GBA1: variants seen among roughly 807,000 people sequenced by gnomAD.
GBA1 encodes the protein lysosomal acid glucosylceramidase.
At chr1:155,240,189 C>A in the GBA1 span, 7 of 955,024 alleles carry the variant, frequency 7.3e-6, no homozygotes, top group South Asian at 8.8e-5. Flanking sequence ...CTTGGCCGGG[C>A]GCAGGGGCTC....
chr1:155,239,864 G>C, the GBA1 span: 5 of 1,614,066 alleles, frequency 3.1e-6, no homozygotes, highest in Non-Finnish European at 4.2e-6. Flanking sequence ...CTGGCCCAGG[G>C]GGTGAGGGGT....
At chr1:155,240,291 C>T in the GBA1 span, 41 of 607,802 alleles carry the variant, frequency 6.7e-5, no homozygotes, top group Middle Eastern at 1.7e-3. Flanking sequence ...TGGTGAAACC[C>T]CGTCTCTACT....
At chr1:155,238,970 G>A in the GBA1 span, 1 of 379,528 alleles carries the variant, frequency 2.6e-6, no homozygotes, top group Non-Finnish European at 5.1e-6. Flanking sequence ...TGTAATCCCA[G>A]CACTTTGGGA....
the GBA1 span, chr1:155,239,972 C>G: frequency 2.5e-6 from 4 of 1,614,050 alleles, no homozygotes; most frequent in African/African-American, 2.7e-5. Flanking sequence ...GCTGAAGGTA[C>G]CAAGGGCAGG....
the GBA1 span, chr1:155,235,884 C>T: frequency 6.2e-7 from 1 of 1,613,836 alleles, no homozygotes; most frequent in Non-Finnish European, 8.5e-7. Context: ...AGGCGCAACA[C>T]TGGGGGTCCC....
chr1:155,242,960 C>T, the GBA1 span, among the ~76,000 whole-genome samples: 3 of 152,184 alleles, frequency 2.0e-5, no homozygotes, highest in Non-Finnish European at 2.9e-5. Flanking sequence ...CATTTACTGG[C>T]TGTTTGACTT....
chr1:155,242,366 G>GTAA, the GBA1 span, among the ~76,000 whole-genome samples: 1 of 152,026 alleles, frequency 6.6e-6, no homozygotes, highest in Admixed American at 6.6e-5. Context: ...GGGATTACAG[G>GTAA]TGCCCTCCAA....
the GBA1 span, among the ~76,000 whole-genome samples, chr1:155,243,937 G>A: frequency 6.6e-6 from 1 of 151,952 alleles, no homozygotes; most frequent in African/African-American, 2.4e-5. Flanking sequence ...TCCCAACCCC[G>A]ACGCTCGTCG....
the GBA1 span, among the ~76,000 whole-genome samples, chr1:155,243,196 AGTT>A: frequency 5.3e-5 from 8 of 152,190 alleles, no homozygotes; most frequent in Non-Finnish European, 2.9e-5. Flanking sequence ...GTAGCTGTCA[AGTT>A]GTAGAATTGA....
At chr1:155,236,201 G>A in the GBA1 span, 1 of 1,510,062 alleles carries the variant, frequency 6.6e-7, no homozygotes, top group South Asian at 1.1e-5. Flanking sequence ...ACTAGTAAGA[G>A]GTCTGAGGTC....
At chr1:155,237,888 A>G in the GBA1 span, 2 of 637,278 alleles carry the variant, frequency 3.1e-6, no homozygotes, top group East Asian at 5.5e-5. Context: ...GGTGACAGAG[A>G]GAGAGACTCC....
the GBA1 span, among the ~76,000 whole-genome samples, chr1:155,236,786 T>C: frequency 1.3e-5 from 2 of 151,966 alleles, no homozygotes; most frequent in East Asian, 3.9e-4. Flanking sequence ...TGTGTGTGTG[T>C]GTATATATAT....
the GBA1 span, among the ~76,000 whole-genome samples, chr1:155,242,366 G>T: frequency 6.6e-6 from 1 of 152,026 alleles, no homozygotes; most frequent in Non-Finnish European, 1.5e-5. Context: ...GGGATTACAG[G>T]TGCCCTCCAA....
the GBA1 span, chr1:155,239,558 G>C: frequency 1.9e-6 from 3 of 1,600,986 alleles, no homozygotes; most frequent in Non-Finnish European, 2.6e-6. Flanking sequence ...TTTAAAAAAA[G>C]AAAAGAAAAA....
the GBA1 span, chr1:155,240,031 C>G: frequency 6.2e-7 from 1 of 1,613,960 alleles, no homozygotes; most frequent in Non-Finnish European, 8.5e-7. Flanking sequence ...TGCAGACACA[C>G]ACCACCGAGC....
At chr1:155,237,256 A>C in the GBA1 span, 13 of 1,602,952 alleles carry the variant, frequency 8.1e-6, no homozygotes, top group Non-Finnish European at 1.1e-5. Flanking sequence ...ATAGTTGGGT[A>C]GAGAAATCGC....
At chr1:155,235,445 A>G in the GBA1 span, 1 of 1,472,182 alleles carries the variant, frequency 6.8e-7, no homozygotes, top group Non-Finnish European at 9.3e-7. Context: ...GCCTGGAGCC[A>G]TGCTGCTGGG....
chr1:155,236,735 G>A, the GBA1 span, among the ~76,000 whole-genome samples: 1 of 150,952 alleles, frequency 6.6e-6, no homozygotes, highest in Non-Finnish European at 1.5e-5. Flanking sequence ...CTACACGGGT[G>A]CCACACCCAG....
At chr1:155,240,126 G>C in the GBA1 span, 1 of 1,530,442 alleles carries the variant, frequency 6.5e-7, no homozygotes, top group Non-Finnish European at 9.0e-7. Context: ...AAGACATGGA[G>C]AATGGACACA....
Sources: gnomAD v4.1 joint callset for allele counts (sites outside exome capture counted in the v4.1 genomes callset) on GRCh38, gnomAD v4.1.1 for gene constraint, MANE v1.5 for transcripts, NCBI Gene and HGNC (gene_info 2026-07-23, HGNC 2026-07-21) for gene names.